GSE1: variants seen among roughly 807,000 people sequenced by gnomAD.
GSE1 encodes the protein genetic suppressor element 1.
A neutral mutation model predicts 112.6 loss-of-function variants in GSE1; 32 were observed. The ratio of observed to expected loss-of-function variants is 0.28; its 90% CI spans 0.21 to 0.38. GSE1 has a LOEUF of 0.38. GSE1 is among the 10% of genes least tolerant of loss of function. The pLI is 1.00. For synonymous variants in GSE1, 1,115 were observed against 735.6 expected (o/e 1.52, Z -8.35); for missense variants, 2,348 against 1,699.2 (o/e 1.38, Z -6.71).
At chr16:85,187,305 G>A (rs747816234) in intron 1 of GSE1, among the ~76,000 whole-genome samples, 7 of 152,240 alleles carry the variant, frequency 4.6e-5, no homozygotes, top group African/African-American at 9.6e-5. Flanking sequence ...CCCGCAGCTC[G>A]GGAGCCTTGG....
intron 1 of GSE1, among the ~76,000 whole-genome samples, chr16:85,231,879 G>C (rs1904289805): frequency 6.6e-6 from 1 of 152,264 alleles, no homozygotes; most frequent in Non-Finnish European, 1.5e-5. Context: ...AAAAGCAAAT[G>C]AAAAGTCATC....
At chr16:85,581,813 G>A (rs1373351402) in intron 1 of GSE1, among the ~76,000 whole-genome samples, 2 of 152,124 alleles carry the variant, frequency 1.3e-5, no homozygotes. Flanking sequence ...CCAGGGCTGC[G>A]GCTTCCCCTG....
At chr16:85,617,669 C>T (rs976514923) in intron 1 of GSE1, among the ~76,000 whole-genome samples, 2 of 135,416 alleles carry the variant, frequency 1.5e-5, no homozygotes, top group African/African-American at 5.4e-5. Context: ...TCCAGAGCAG[C>T]TTCCTAGTCA....
chr16:85,467,890 G>C (rs988723787), intron 2 of GSE1, among the ~76,000 whole-genome samples: 3 of 152,232 alleles, frequency 2.0e-5, no homozygotes, highest in African/African-American at 7.2e-5. Flanking sequence ...AGAACTTAGT[G>C]AATGTTAGCA....
intron 1 of GSE1, among the ~76,000 whole-genome samples, chr16:85,574,856 T>G (rs374942673): frequency 8.5e-5 from 13 of 152,222 alleles, no homozygotes; most frequent in Admixed American, 6.5e-4. Context: ...GGCTCCCTGC[T>G]GGAGCCTGCC....
chr16:85,327,308 TG>T (rs1209632020), intron 1 of GSE1, among the ~76,000 whole-genome samples: 2 of 152,118 alleles, frequency 1.3e-5, no homozygotes, highest in African/African-American at 4.8e-5. Context: ...GGGACAAAAC[TG>T]GAAGGTTCTA....
At chr16:85,447,344 T>C (rs529426283) in intron 2 of GSE1, among the ~76,000 whole-genome samples, 1 of 152,310 alleles carries the variant, frequency 6.6e-6, no homozygotes, top group East Asian at 1.9e-4. Context: ...AAACACGTGG[T>C]GGCCAGGAGC....
chr16:85,480,783 G>A (rs775463947), intron 2 of GSE1, among the ~76,000 whole-genome samples: 81 of 152,264 alleles, frequency 5.3e-4, no homozygotes, highest in Non-Finnish European at 2.8e-4. Context: ...CATCCCCACC[G>A]TCTGATTTTT....
chr16:85,542,360 T>G (rs78504401), intron 2 of GSE1, among the ~76,000 whole-genome samples: 2 of 152,194 alleles, frequency 1.3e-5, no homozygotes, highest in Non-Finnish European at 2.9e-5. Context: ...TGGGGGATCA[T>G]TTCGTCCAAG....
At chr16:85,503,125 T>A (rs1486884520) in intron 2 of GSE1, among the ~76,000 whole-genome samples, 1 of 151,872 alleles carries the variant, frequency 6.6e-6, no homozygotes, top group African/African-American at 2.4e-5. Context: ...GGCCCTGAGG[T>A]CTGAGCTCAC....
In GSE1 at chr16:85,668,309, C is replaced by T. The variant is rs752760381; in HGVS notation, c.3300C>T (p.Asp1100=). ...KGPPTQELDR[D]SEEEEEEDDE... Reference sequence around the variant, plus strand: ...CCCCAACCCAGGAGTTGGACCGGGACTCGGAGGAGGAGGAAGAGGAGGATG... The same window carrying T: ...CCCCAACCCAGGAGTTGGACCGGGATTCGGAGGAGGAGGAAGAGGAGGATG... The change falls in exon 14 of 16, where the codon GAC becomes GAT. Residue 1100 remains aspartate (D), a synonymous_variant. Coordinates refer to ENST00000253458, the MANE Select transcript of GSE1 (RefSeq NM_014615.5). The T allele has an allele frequency of 3.7e-6, 6 of 1,612,678 alleles. No homozygotes were observed. The highest frequency in any genetic ancestry group is 2.7e-5 in the African/African-American group (2 of 74,970).
At chr16:85,612,362 C>T (rs944400656), upstream of GSE1, among the ~76,000 whole-genome samples, 3 of 151,946 alleles carry the variant, frequency 2.0e-5, no homozygotes, top group East Asian at 3.9e-4. Flanking sequence ...TGAGTCATTC[C>T]AGTCAAGTGC....
intron 1 of GSE1, among the ~76,000 whole-genome samples, chr16:85,186,746 C>T (rs982830143): frequency 6.6e-6 from 1 of 152,138 alleles, no homozygotes; most frequent in Non-Finnish European, 1.5e-5. Flanking sequence ...GCCTGGGTGA[C>T]AGAGTAAGAC....
chr16:85,360,012 C>T (rs993569139), intron 2 of GSE1, among the ~76,000 whole-genome samples: 9 of 152,064 alleles, frequency 5.9e-5, no homozygotes, highest in Non-Finnish European at 1.2e-4. Flanking sequence ...CCAGCCTAGG[C>T]GACTGAGCAA....
chr16:85,209,740 G>T (rs1303877266), intron 1 of GSE1, among the ~76,000 whole-genome samples: 7 of 152,352 alleles, frequency 4.6e-5, no homozygotes, highest in Non-Finnish European at 1.0e-4. Context: ...AGTCTGGCAG[G>T]CCGCCTGACG....
chr16:85,422,322 C>A (rs561839059), intron 2 of GSE1, among the ~76,000 whole-genome samples: 3 of 151,894 alleles, frequency 2.0e-5, no homozygotes, highest in African/African-American at 7.2e-5. Flanking sequence ...GCGAGGCTCC[C>A]GGCAAGACTG....
intron 2 of GSE1, among the ~76,000 whole-genome samples, chr16:85,533,786 G>A (rs2151189568): frequency 6.6e-6 from 1 of 152,130 alleles, no homozygotes; most frequent in South Asian, 2.1e-4. Context: ...GATCGCTTGA[G>A]CCCGGGAGGT....
intron 1 of GSE1, among the ~76,000 whole-genome samples, chr16:85,199,457 G>A (rs1019057537): frequency 2.6e-5 from 4 of 152,156 alleles, no homozygotes; most frequent in African/African-American, 4.8e-5. Context: ...GAAGGAGGGC[G>A]ATGTGTTTAT....
At chr16:85,191,689 A>G (rs2074825521) in intron 1 of GSE1, among the ~76,000 whole-genome samples, 1 of 152,206 alleles carries the variant, frequency 6.6e-6, no homozygotes, top group Non-Finnish European at 1.5e-5. Flanking sequence ...TGCTACAAAC[A>G]TAGTCCTCGT....
Sources: gnomAD v4.1 joint callset for allele counts (sites outside exome capture counted in the v4.1 genomes callset) on GRCh38, gnomAD v4.1.1 for gene constraint, MANE v1.5 for transcripts, NCBI Gene and HGNC (gene_info 2026-07-23, HGNC 2026-07-21) for gene names.